Variants in CHERP observed in about 807,000 individuals in gnomAD.
The protein encoded by CHERP is ERPROT 213-21.
CHERP carries 8 observed loss-of-function variants against 113.8 expected under a neutral mutation model. The observed-to-expected ratio is 0.07, with a 90% CI of 0.04 to 0.13. The LOEUF (loss-of-function observed/expected upper bound fraction) is 0.13, where lower values mean the gene tolerates loss of function less well. Ranked by LOEUF, CHERP falls within the 10% of genes least tolerant of loss-of-function variation. The pLI, the probability that CHERP is intolerant of heterozygous loss-of-function variation, is 1.00. For missense variants in CHERP, 884 were observed against 1,298.2 expected, an observed-to-expected ratio of 0.68 and a Z score of 4.90; for synonymous variants, 559 against 524.5, an observed-to-expected ratio of 1.07 and a Z score of -0.90.
intron 9 of CHERP, among the ~76,000 whole-genome samples, chr19:16,526,472 T>G (rs1427291970): frequency 6.6e-6 from 1 of 152,210 alleles, no homozygotes; most frequent in Non-Finnish European, 1.5e-5. Flanking sequence ...CTACTTGTTT[T>G]TCTTTTTCTT....
intron 2 of CHERP, among the ~76,000 whole-genome samples, chr19:16,536,383 G>A (rs1288507621): frequency 6.6e-6 from 1 of 152,156 alleles, no homozygotes; most frequent in Non-Finnish European, 1.5e-5. Flanking sequence ...TGGACAAGAT[G>A]ACCTGCCTCT....
chr19:16,542,078 G>A (rs1329179604), intron 1 of CHERP, 35 bp from the exon 2 acceptor site: 1 of 1,587,702 alleles, frequency 6.3e-7, no homozygotes, highest in African/African-American at 1.4e-5. Flanking sequence ...CGGGGCGTCA[G>A]CGAGGACCGC....
chr19:16,539,216 C>T lies in CHERP; in HGVS notation c.199+2654G>A, dbSNP rs959077995. 1.1e-4 allele frequency among the ~76,000 whole-genome samples: 16 copies of T among 148,314 alleles called. No individual in the cohort carries two copies. The East Asian group carries it at 2.0e-3, about 19-fold the overall frequency. On this transcript the variant is annotated intron_variant, in intron 2 of 16. Transcript: ENST00000546361. ...AGGCTGGAGTGCAGTGGTGCGATCT[C>T]GGCTCACTGCAAGCTCTGCCTCCCA... is the stretch of plus-strand genomic sequence containing the variant.
At position 16,530,666 on chromosome 19, in the gene CHERP, C is replaced by G; in HGVS notation, c.795G>C (p.Gln265His). The stretch of plus-strand genomic sequence containing the variant: ...CGAAGTAGCCGTTTTTCTCCCAGAG[C>G]TGCAGGAGCTGGCGGTGGGAGGAGA... ...DKQQKIARLL[Q>H]LWEKNGYFDD... The change falls in exon 7 of 17, where the codon CAG becomes CAC. Residue 265 changes from glutamine to histidine, a missense_variant. Physicochemically the swap from Gln to His is conservative, Grantham distance 24. Coordinates refer to ENST00000546361, the MANE Select transcript of CHERP (RefSeq NM_006387.6). The surrounding 1 kb of genome is among the most constrained non-coding windows in gnomAD (Gnocchi z 4.1). The G allele has an allele frequency of 1.9e-6, 3 of 1,614,068 alleles. No individual in the cohort carries two copies. The highest frequency in any genetic ancestry group is 2.5e-6 in the Non-Finnish European group (3 of 1,179,944).
rs530553960 is a variant in CHERP at position 16,536,519 on chromosome 19, C to T, written c.200-883G>A. Among the ~76,000 whole-genome samples the T allele has an allele frequency of 2.2e-4, 33 of 152,264 alleles. No individual in the cohort carries two copies. In the South Asian group the frequency reaches 2.7e-3, roughly 12 times the overall value. On this transcript the variant is annotated intron_variant, in intron 2 of 16. Transcript: ENST00000546361. The stretch of plus-strand genomic sequence containing the variant: ...AGGTGGGGTGTCAGGTGGAAGGTGT[C>T]GCCCCTCACTGGGCGCTCAAGTCAA...
Position 16,519,085 on chromosome 19 carries a change from T to C in CHERP, c.*74A>G. 1 of 1,365,410 alleles carries C rather than the reference T, an allele frequency of 7.3e-7. No individual in the cohort carries two copies. The allele number at this position is 1,365,410 out of a possible 1,614,324, so 84.6% of individuals were successfully genotyped here. A position where few individuals can be genotyped will look rare whatever the true frequency, so the allele number is the denominator to read the frequency against. ...TAAGAACTGAGCTGTCACTGCAATCTTCCTCTGCCAGTCAGCCAGGAAGGT... is the reference window on the plus strand; with the variant it reads ...TAAGAACTGAGCTGTCACTGCAATCCTCCTCTGCCAGTCAGCCAGGAAGGT... On this transcript the variant is annotated 3_prime_UTR_variant, in exon 17 of 17. Transcript: ENST00000546361. The surrounding 1 kb of genome is among the most constrained non-coding windows in gnomAD (Gnocchi z 6.0).
chr19:16,520,308 G>C lies in CHERP; in HGVS notation c.2346-43C>G. The C allele has an allele frequency of 6.2e-7, 1 of 1,611,276 alleles. No homozygotes were observed. The highest frequency in any genetic ancestry group is 8.5e-7 in the Non-Finnish European group (1 of 1,178,142). On this transcript the variant is annotated intron_variant, in intron 14 of 16. Transcript: ENST00000546361. This position sits in a 1 kb window ranked among gnomAD's most constrained non-coding sequence, Gnocchi z 4.0. The stretch of plus-strand genomic sequence containing the variant: ...CAAGGGTCAGCAGCAGCCAGGCGTC[G>C]TGGGGAGGCCACAGGAAGAGGCCTC...
At position 16,542,201 on chromosome 19, in the gene CHERP, GC is replaced by G. The variant is rs2085785066; in HGVS notation, c.25+152del. The G allele has an allele frequency of 8.4e-6, 9 of 1,071,810 alleles. No individual in the cohort carries two copies. In the Admixed American group the frequency reaches 2.6e-4, roughly 31 times the overall value. The allele number at this position is 1,071,810 out of a possible 1,614,324, so 66.4% of individuals were successfully genotyped here. On this transcript the variant is annotated intron_variant, in intron 1 of 16. Coordinates refer to ENST00000546361, the MANE Select transcript of CHERP (RefSeq NM_006387.6). ...GGGTCCCGATAGGGGCCACACGCTC[GC>G]CGGGAATGCGGGGACCCACGGGAGA...
In CHERP at chr19:16,532,920, TA is replaced by T; in HGVS notation, c.522+90del. The T allele has an allele frequency of 6.6e-7, 1 of 1,522,632 alleles. No homozygotes were observed. Among genetic ancestry groups the T allele is most frequent in the Admixed American group, 2.0e-5 (1 of 49,084 alleles). The allele number at this position is 1,522,632 out of a possible 1,614,324, so 94.3% of individuals were successfully genotyped here. A position where few individuals can be genotyped will look rare whatever the true frequency, so the allele number is the denominator to read the frequency against. On this transcript the variant is annotated intron_variant, in intron 4 of 16. Coordinates refer to ENST00000546361, the MANE Select transcript of CHERP (RefSeq NM_006387.6). The surrounding 1 kb of genome is among the most constrained non-coding windows in gnomAD (Gnocchi z 4.4). ...AGGCGGGAGGGAAGGGCACCCATTG[TA>T]ACAGCCCTTAGCCCAGATTGGCTAC... is the stretch of plus-strand genomic sequence containing the variant.
rs1418477237 is a variant in CHERP, at chr19:16,535,974, AGGCCCCACCTG to A, written c.200-349_200-339del. On this transcript the variant is annotated intron_variant, in intron 2 of 16. Coordinates refer to ENST00000546361, the MANE Select transcript of CHERP (RefSeq NM_006387.6). The surrounding 1 kb of genome is among the most constrained non-coding windows in gnomAD (Gnocchi z 4.3). Reference sequence around the variant, plus strand: ...TGCCTGCCCACCTCCTCACCCACCTAGGCCCCACCTGATGCAGAACCCAGGCCTCAGTACCT... The same window carrying A: ...TGCCTGCCCACCTCCTCACCCACCTAATGCAGAACCCAGGCCTCAGTACCT... 6.6e-6 allele frequency among the ~76,000 whole-genome samples: 1 copy of A among 151,970 alleles called. No homozygotes were observed. The highest frequency in any genetic ancestry group is 2.4e-5 in the African/African-American group (1 of 41,392).
chr19:16,538,364 A>C (rs1276653941), intron 2 of CHERP, among the ~76,000 whole-genome samples: 1 of 152,088 alleles, frequency 6.6e-6, no homozygotes, highest in Non-Finnish European at 1.5e-5. Context: ...CACCCTTTAC[A>C]TCTAGCCAAG....
At chr19:16,542,073 C>A in intron 1 of CHERP, 30 bp from the exon 2 acceptor site, 1 of 1,591,788 alleles carries the variant, frequency 6.3e-7, no homozygotes. Flanking sequence ...CCACGCGGGG[C>A]GTCAGCGAGG....
At chr19:16,528,017 G>T in intron 9 of CHERP, 63 bp downstream of exon 9, 1 of 1,526,922 alleles carries the variant, frequency 6.5e-7, no homozygotes, top group South Asian at 1.1e-5. Context: ...ACTGGCATAG[G>T]GGAGGCTACC....
Position 16,520,046 on chromosome 19 carries a change from C to T in CHERP, c.2462+103G>A, listed in dbSNP as rs1049029624. 1.6e-5 allele frequency: 20 copies of T among 1,213,132 alleles called. No individual in the cohort carries two copies. The highest frequency in any genetic ancestry group is 1.1e-4 in the African/African-American group (7 of 66,598). The allele number at this position is 1,213,132 out of a possible 1,614,324, so 75.1% of individuals were successfully genotyped here. Reference sequence around the variant, plus strand: ...GCCACTGTCCCCGGGCTAATGCTGGCGGCCTCCTAACACAGTCTCCTAACC... The same window carrying T: ...GCCACTGTCCCCGGGCTAATGCTGGTGGCCTCCTAACACAGTCTCCTAACC... On this transcript the variant is annotated intron_variant, in intron 15 of 16. Transcript: ENST00000546361. The surrounding 1 kb of genome is among the most constrained non-coding windows in gnomAD (Gnocchi z 4.0).
Position 16,525,167 on chromosome 19 carries a change from C to A in CHERP, c.1741+75G>T. On this transcript the variant is annotated intron_variant, in intron 10 of 16. Transcript: ENST00000546361. The surrounding 1 kb of genome is among the most constrained non-coding windows in gnomAD (Gnocchi z 6.5). Reference sequence around the variant, plus strand: ...CTCAGGAGCATGGCAGGGCCACAAGCAGCGCCACCAGCCTGCTCGGCAGGC... The same window carrying A: ...CTCAGGAGCATGGCAGGGCCACAAGAAGCGCCACCAGCCTGCTCGGCAGGC... 1 of 1,303,072 alleles carries A rather than the reference C, an allele frequency of 7.7e-7. No homozygotes were observed. Among genetic ancestry groups the A allele is most frequent in the Non-Finnish European group, 1.0e-6 (1 of 995,900 alleles). The allele number at this position is 1,303,072 out of a possible 1,614,324, so 80.7% of individuals were successfully genotyped here.
intron 2 of CHERP, among the ~76,000 whole-genome samples, chr19:16,540,285 TC>T (rs2085769578): frequency 1.3e-5 from 2 of 151,948 alleles, no homozygotes; most frequent in African/African-American, 4.8e-5. Context: ...CAGGCTGGTC[TC>T]GAACTCCTGA....
Position 16,525,215 on chromosome 19 carries a change from GC to G in CHERP, c.1741+26del. 1.4e-6 allele frequency: 2 copies of G among 1,407,502 alleles called. No homozygotes were observed. The highest frequency in any genetic ancestry group is 1.9e-6 in the Non-Finnish European group (2 of 1,080,442). 87.2% of individuals were successfully genotyped at this position (1,407,502 alleles called of 1,614,324 possible). On this transcript the variant is annotated intron_variant, in intron 10 of 16. Transcript: ENST00000546361. The surrounding 1 kb of genome is among the most constrained non-coding windows in gnomAD (Gnocchi z 6.5). ...GGCGAGCCGTGGATGCCTCCGCCAG[GC>G]CCTACCCAGGCGCCCGTACACTCAC...
chr19:16,542,357 CG>C lies in CHERP; in HGVS notation c.21del (p.Asp8MetfsTer26). On this transcript the variant is annotated frameshift_variant, in exon 1 of 17. Coordinates refer to ENST00000546361, the MANE Select transcript of CHERP (RefSeq NM_006387.6). LOFTEE classifies it high-confidence loss of function. MEMPLPPDDQELRNVID... is the reference protein window; with the variant it reads MEMPLPXDDQELRNVID... ...TCTCGGCCGGTTTGGGTCTCACCAT[CG>C]GGGGGCAGCGGCATCTCCATGGCTC... is the stretch of plus-strand genomic sequence containing the variant. 1.4e-6 allele frequency: 2 copies of C among 1,394,122 alleles called. No individual in the cohort carries two copies. Among genetic ancestry groups the C allele is most frequent in the South Asian group, 1.8e-5 (1 of 55,398 alleles). The allele number at this position is 1,394,122 out of a possible 1,614,324, so 86.4% of individuals were successfully genotyped here. A position where few individuals can be genotyped will look rare whatever the true frequency, so the allele number is the denominator to read the frequency against.
At position 16,520,933 on chromosome 19, in the gene CHERP, T is replaced by C; in HGVS notation, c.2115-21A>G. The stretch of plus-strand genomic sequence containing the variant: ...CTTCACTGTAAGACACGGCATTCCG[T>C]GTGTGACCACGTGACACCCACCCAC... On this transcript the variant is annotated intron_variant, in intron 12 of 16. Coordinates refer to ENST00000546361, the MANE Select transcript of CHERP (RefSeq NM_006387.6). This position sits in a 1 kb window ranked among gnomAD's most constrained non-coding sequence, Gnocchi z 4.0. 2.5e-6 allele frequency: 4 copies of C among 1,607,296 alleles called. No individual in the cohort carries two copies. The highest frequency in any genetic ancestry group is 3.4e-6 in the Non-Finnish European group (4 of 1,174,496).
Sources: allele counts gnomAD v4.1 joint callset (sites outside exome capture counted in the v4.1 genomes callset), GRCh38; gene constraint gnomAD v4.1.1; non-coding constraint Gnocchi (gnomAD v3.1); transcripts MANE v1.5; gene names NCBI Gene and HGNC (gene_info 2026-07-23, HGNC 2026-07-21).